Variants in CHN2 observed in about 807,000 individuals in gnomAD.
CHN2 encodes beta-chimaerin.
CHN2 carries 35 observed loss-of-function variants against 56.3 expected under a neutral mutation model. That is an observed-to-expected ratio of 0.62 (90% CI 0.47 to 0.82). The LOEUF (loss-of-function observed/expected upper bound fraction) is 0.82. Ranked by LOEUF, CHN2 falls within the 40% of genes least tolerant of loss-of-function variation. The pLI, the probability that CHN2 is intolerant of heterozygous loss-of-function variation, is 0.00. For missense variants in CHN2, 491 were observed against 580.5 expected, an observed-to-expected ratio of 0.85 and a Z score of 1.58; for synonymous variants, 210 against 212.8, an observed-to-expected ratio of 0.99 and a Z score of 0.12.
chr7:29,202,552 A>G (rs146602235), intron 1 of CHN2, among the ~76,000 whole-genome samples: 1 of 152,218 alleles, frequency 6.6e-6, no homozygotes, highest in South Asian at 2.1e-4. Flanking sequence ...TTGGATTCAG[A>G]AACTATAATA....
At chr7:29,362,245 G>A (rs1013104845) in intron 2 of CHN2, among the ~76,000 whole-genome samples, 2 of 152,134 alleles carry the variant, frequency 1.3e-5, no homozygotes, top group African/African-American at 4.8e-5. Flanking sequence ...GGAAATCAAG[G>A]CAATGAATCT....
At chr7:29,372,850 C>G (rs1428941047) in intron 3 of CHN2, among the ~76,000 whole-genome samples, 2 of 152,114 alleles carry the variant, frequency 1.3e-5, no homozygotes, top group Non-Finnish European at 2.9e-5. Flanking sequence ...GTCAAGTTGC[C>G]CTAAAATTAC....
intron 6 of CHN2, among the ~76,000 whole-genome samples, chr7:29,420,663 A>G (rs1707371320): frequency 1.3e-5 from 2 of 152,310 alleles, no homozygotes. Context: ...GAAATGGGGA[A>G]TTGTTCAACA....
chr7:29,509,715 G>A (rs1791056509), intron 12 of CHN2: 1 of 216,442 alleles, frequency 4.6e-6, no homozygotes, highest in Non-Finnish European at 9.3e-6. Flanking sequence ...CGTGGTGGCA[G>A]CCGCCTGTAG....
chr7:29,423,757 C>T (rs1354276829), intron 6 of CHN2, among the ~76,000 whole-genome samples: 1 of 152,238 alleles, frequency 6.6e-6, no homozygotes, highest in Non-Finnish European at 1.5e-5. Context: ...TCCCCACTTC[C>T]CCCTGGGCTT....
At chr7:29,237,354 A>G (rs982092196) in intron 1 of CHN2, among the ~76,000 whole-genome samples, 1 of 152,148 alleles carries the variant, frequency 6.6e-6, no homozygotes, top group Admixed American at 6.5e-5. Context: ...CTGATGTTTC[A>G]GTAACTCCTC....
chr7:29,357,704 C>T (rs1585150062), intron 2 of CHN2, among the ~76,000 whole-genome samples: 2 of 152,094 alleles, frequency 1.3e-5, no homozygotes, highest in Admixed American at 6.5e-5. Flanking sequence ...GTCAAATTTG[C>T]ATGTGGGTCT....
chr7:29,451,535 T>G (rs1585436748), intron 6 of CHN2, among the ~76,000 whole-genome samples: 1 of 117,098 alleles, frequency 8.5e-6, no homozygotes, highest in Non-Finnish European at 1.8e-5. Context: ...AATTCAACAA[T>G]GTTTTTAAAA....
intron 1 of CHN2, among the ~76,000 whole-genome samples, chr7:29,211,433 A>G (rs1057174249): frequency 6.7e-6 from 1 of 148,266 alleles, no homozygotes; most frequent in Admixed American, 6.9e-5. Context: ...TAGACTAAAC[A>G]CAAATGCTGC....
intron 6 of CHN2, among the ~76,000 whole-genome samples, chr7:29,426,251 ATGGAT>A (rs1804859964): frequency 6.7e-6 from 1 of 150,176 alleles, no homozygotes; most frequent in Non-Finnish European, 1.5e-5. Context: ...AGAGAGGTTA[ATGGAT>A]TGTAGGACAC....
intron 1 of CHN2, among the ~76,000 whole-genome samples, chr7:29,331,438 G>A (rs1364446519): frequency 6.6e-6 from 1 of 152,144 alleles, no homozygotes; most frequent in African/African-American, 2.4e-5. Flanking sequence ...GGCTGTAGGG[G>A]GTCCAGTCTG....
chr7:29,341,119 G>A (rs1797024859), intron 1 of CHN2, among the ~76,000 whole-genome samples: 1 of 152,200 alleles, frequency 6.6e-6, no homozygotes, highest in African/African-American at 2.4e-5. Flanking sequence ...GCTGGGGCAA[G>A]AAACCCACTG....
intron 1 of CHN2, among the ~76,000 whole-genome samples, chr7:29,351,420 G>T (rs529824609): frequency 1.4e-4 from 22 of 152,284 alleles, no homozygotes; most frequent in South Asian, 2.1e-4. Context: ...ATGGAGTTTG[G>T]CTAATAGAGG....
At chr7:29,405,714 A>G (rs58845811) in intron 6 of CHN2, among the ~76,000 whole-genome samples, 2,842 of 152,256 alleles carry the variant, frequency 0.019, 101 homozygotes, top group African/African-American at 0.065. Context: ...GAACTGTTTC[A>G]TCAGAGAACA....
intron 6 of CHN2, among the ~76,000 whole-genome samples, chr7:29,474,729 C>T (rs1173302805): frequency 6.6e-6 from 1 of 152,200 alleles, no homozygotes; most frequent in Non-Finnish European, 1.5e-5. Context: ...GGGAGACATA[C>T]AGGACCAATG....
At chr7:29,428,310 C>G (rs575837920) in intron 6 of CHN2, among the ~76,000 whole-genome samples, 1 of 152,112 alleles carries the variant, frequency 6.6e-6, no homozygotes, top group Admixed American at 6.5e-5. Context: ...ACATACATTC[C>G]CACATCTTAG....
At chr7:29,318,463 G>A (rs924373511) in intron 1 of CHN2, among the ~76,000 whole-genome samples, 5 of 152,178 alleles carry the variant, frequency 3.3e-5, no homozygotes, top group African/African-American at 4.8e-5. Flanking sequence ...GTCTGGAATG[G>A]AGAAGCCATG....
intron 1 of CHN2, among the ~76,000 whole-genome samples, chr7:29,257,556 G>C (rs895958524): frequency 6.6e-6 from 1 of 152,112 alleles, no homozygotes; most frequent in Admixed American, 6.6e-5. Context: ...TTGGGCCCTG[G>C]AGAATTATAA....
Position 29,499,652 on chromosome 7 carries a change from G to A in CHN2, c.740-215G>A, listed in dbSNP as rs1207691066. Among the ~76,000 whole-genome samples the A allele has an allele frequency of 2.0e-5, 3 of 152,180 alleles. No homozygotes were observed. The East Asian group carries it at 5.8e-4, about 29-fold the overall frequency. On this transcript the variant is annotated intron_variant, in intron 8 of 12. Coordinates refer to ENST00000222792, the MANE Select transcript of CHN2 (RefSeq NM_004067.4). ...TCTGTTCTTAAGGTCCAGCGACAGA[G>A]AAGGCTTAACGAGAAAAATGGAATC...
Sources: gnomAD v4.1 joint callset for allele counts (sites outside exome capture counted in the v4.1 genomes callset) on GRCh38, gnomAD v4.1.1 for gene constraint, MANE v1.5 for transcripts, NCBI Gene and HGNC (gene_info 2026-07-23, HGNC 2026-07-21) for gene names.